The following FHIT variants were observed in gnomAD, a reference collection of about 807,000 sequenced individuals.
The protein encoded by FHIT is bis(5'-adenosyl)-triphosphatase.
FHIT carries 19 observed loss-of-function variants against 17.9 expected under a neutral mutation model. The ratio of observed to expected loss-of-function variants is 1.06; its 90% CI spans 0.74 to 1.56. The LOEUF (loss-of-function observed/expected upper bound fraction) is 1.56, where lower values mean the gene tolerates loss of function less well. Among genes scored for constraint, FHIT ranks in the 40% most tolerant of loss-of-function variants. The pLI, the probability that FHIT is intolerant of heterozygous loss-of-function variation, is 0.00. For missense variants in FHIT, 248 were observed against 189.2 expected, an observed-to-expected ratio of 1.31 and a Z score of -1.82; for synonymous variants, 81 against 69.7, an observed-to-expected ratio of 1.16 and a Z score of -0.81.
rs545337325 is a variant in FHIT, at chr3:60,509,575, C to G, written c.103+27285G>C. Among the ~76,000 whole-genome samples, 22 of 151,758 alleles carry G rather than the reference C, an allele frequency of 1.4e-4. No homozygotes were observed. In the South Asian group the frequency reaches 4.4e-3, roughly 30 times the overall value. On this transcript the variant is annotated intron_variant, in intron 5 of 9. Coordinates refer to ENST00000492590, the MANE Select transcript of FHIT (RefSeq NM_002012.4). ...CAGTAACATTTGTTTATTGCCTTAG[C>G]CTACCACTTAGAAATTACAATGAAA...
At chr3:60,531,350 C>G (rs1214292649) in intron 5 of FHIT, among the ~76,000 whole-genome samples, 3 of 143,764 alleles carry the variant, frequency 2.1e-5, no homozygotes, top group African/African-American at 7.8e-5. Context: ...GCGATCTAGG[C>G]TCACTGCAAG....
At chr3:60,217,388 T>C (rs1703743248) in intron 5 of FHIT, among the ~76,000 whole-genome samples, 1 of 152,224 alleles carries the variant, frequency 6.6e-6, no homozygotes, top group Non-Finnish European at 1.5e-5. Flanking sequence ...CCAGTTCCAC[T>C]TTGTGCTGCT....
intron 5 of FHIT, among the ~76,000 whole-genome samples, chr3:60,071,243 A>C (rs116397389): frequency 1.9e-4 from 29 of 152,338 alleles, no homozygotes; most frequent in African/African-American, 6.3e-4. Context: ...CACTTAGTAC[A>C]AGGGAAACAG....
intron 4 of FHIT, among the ~76,000 whole-genome samples, chr3:60,774,763 G>A (rs1700163424): frequency 6.6e-6 from 1 of 152,158 alleles, no homozygotes; most frequent in Admixed American, 6.5e-5. Context: ...TCTGATCACA[G>A]AGCTAGCTAT....
intron 7 of FHIT, among the ~76,000 whole-genome samples, chr3:59,948,455 T>C (rs1369728573): frequency 6.6e-6 from 1 of 151,672 alleles, no homozygotes; most frequent in East Asian, 1.9e-4. Flanking sequence ...AGGTGGAGGT[T>C]GCAGTGAGCT....
chr3:60,125,423 G>C (rs184643712), intron 5 of FHIT, among the ~76,000 whole-genome samples: 5 of 152,168 alleles, frequency 3.3e-5, no homozygotes, highest in African/African-American at 1.2e-4. Context: ...CCTGAGGTCA[G>C]GAGTTTGAGA....
chr3:60,888,496 T>C (rs1172099476), intron 3 of FHIT, among the ~76,000 whole-genome samples: 4 of 151,468 alleles, frequency 2.6e-5, no homozygotes, highest in Admixed American at 2.6e-4. Context: ...TTAAATTTTC[T>C]TTCTAAGAAA....
intron 3 of FHIT, among the ~76,000 whole-genome samples, chr3:60,921,594 T>A (rs765907682): frequency 4.6e-5 from 7 of 152,194 alleles, no homozygotes; most frequent in Non-Finnish European, 8.8e-5. Context: ...AAATGTCAAA[T>A]CCTTTGAATA....
chr3:60,285,950 C>T (rs950088915), intron 5 of FHIT, among the ~76,000 whole-genome samples: 1 of 152,142 alleles, frequency 6.6e-6, no homozygotes, highest in Non-Finnish European at 1.5e-5. Context: ...CGGCTAGCCA[C>T]TCCACGTGAT....
At chr3:60,242,210 A>C (rs1422755662) in intron 5 of FHIT, among the ~76,000 whole-genome samples, 1 of 152,188 alleles carries the variant, frequency 6.6e-6, no homozygotes. Context: ...TTACAGCATC[A>C]CATGGTATTA....
intron 2 of FHIT, among the ~76,000 whole-genome samples, chr3:61,191,813 T>C (rs1267704493): frequency 6.6e-6 from 1 of 152,016 alleles, no homozygotes; most frequent in Non-Finnish European, 1.5e-5. Context: ...CCTCTTCTGA[T>C]TGCTTAACAT....
chr3:59,833,312 A>C (rs1277292149), intron 8 of FHIT, among the ~76,000 whole-genome samples: 1 of 152,192 alleles, frequency 6.6e-6, no homozygotes, highest in Non-Finnish European at 1.5e-5. Flanking sequence ...GTGGGCTCCT[A>C]AACTTATATA....
intron 8 of FHIT, among the ~76,000 whole-genome samples, chr3:59,837,954 G>A (rs1325328903): frequency 6.6e-6 from 1 of 152,116 alleles, no homozygotes; most frequent in Admixed American, 6.5e-5. Context: ...CTAGTACCCT[G>A]TAAGCCTGGG....
chr3:60,395,328 C>T (rs942608197), intron 5 of FHIT, among the ~76,000 whole-genome samples: 5 of 152,116 alleles, frequency 3.3e-5, no homozygotes, highest in African/African-American at 1.2e-4. Flanking sequence ...TCTCATTAAG[C>T]CATGATTATC....
chr3:61,092,560 T>C (rs915901133), intron 2 of FHIT, among the ~76,000 whole-genome samples: 4 of 152,154 alleles, frequency 2.6e-5, no homozygotes, highest in African/African-American at 7.2e-5. Context: ...AAAACTTCCG[T>C]ATTAGAATTT....
chr3:60,933,451 C>T (rs1156782533), intron 3 of FHIT, among the ~76,000 whole-genome samples: 4 of 152,110 alleles, frequency 2.6e-5, no homozygotes, highest in South Asian at 2.1e-4. Flanking sequence ...CTTAGAACTC[C>T]GGTGTGTAGT....
intron 4 of FHIT, among the ~76,000 whole-genome samples, chr3:60,539,950 T>G: frequency 6.7e-6 from 1 of 149,298 alleles, no homozygotes; most frequent in African/African-American, 2.4e-5. Context: ...TAAAAATATA[T>G]ATATATAAAT....
At chr3:60,702,823 G>C (rs1488280624) in intron 4 of FHIT, among the ~76,000 whole-genome samples, 1 of 152,072 alleles carries the variant, frequency 6.6e-6, no homozygotes, top group Non-Finnish European at 1.5e-5. Context: ...ATATTTTACT[G>C]TTTAATGTAA....
rs544856225 is a variant in FHIT, at chr3:60,948,892, C to T, written c.-111+93155G>A. 1.9e-3 allele frequency among the ~76,000 whole-genome samples: 296 copies of T among 152,262 alleles called. 1 individual carries two copies. Among genetic ancestry groups the T allele is most frequent in the Non-Finnish European group, 3.4e-3 (229 of 68,022 alleles). ...ATGATTTACCAAAAGGTCAACACCG[C>T]TCTTTTGTCTTCATCACCCATCAGT... On this transcript the variant is annotated intron_variant, in intron 3 of 9. Transcript: ENST00000492590.
Sources: allele counts gnomAD v4.1 joint callset (sites outside exome capture counted in the v4.1 genomes callset), GRCh38; gene constraint gnomAD v4.1.1; transcripts MANE v1.5; gene names NCBI Gene and HGNC (gene_info 2026-07-23, HGNC 2026-07-21).